Variants in CSMD1 observed in about 807,000 individuals in gnomAD.
The protein encoded by CSMD1 is CUB and sushi domain-containing protein 1.
CSMD1 carries 213 observed loss-of-function variants against 417.5 expected under a neutral mutation model. The observed-to-expected ratio is 0.51, with a 90% CI of 0.46 to 0.57. The LOEUF is 0.57. Among genes scored for constraint, CSMD1 ranks in the 20% least tolerant of loss-of-function variants. The probability of loss-of-function intolerance (pLI) is 0.00; values close to 1 mark genes in which losing one functional copy is unlikely to be tolerated. For missense variants in CSMD1, 6,923 were observed against 4,529.7 expected (o/e 1.53, Z -15.17); for synonymous variants, 2,862 against 1,736.8 (o/e 1.65, Z -16.11).
At chr8:4,251,849 G>C (rs1395806233) in intron 3 of CSMD1, among the ~76,000 whole-genome samples, 1 of 149,648 alleles carries the variant, frequency 6.7e-6, no homozygotes, top group Non-Finnish European at 1.5e-5. Context: ...AGATGCAGGA[G>C]GAGAGATGGA....
intron 50 of CSMD1, among the ~76,000 whole-genome samples, chr8:3,049,783 T>A (rs2128988125): frequency 6.6e-6 from 1 of 152,218 alleles, no homozygotes; most frequent in Non-Finnish European, 1.5e-5. Flanking sequence ...GATGATGGTA[T>A]GTCAATGTAG....
chr8:4,692,087 G>A (rs1806805233), intron 1 of CSMD1, among the ~76,000 whole-genome samples: 1 of 152,132 alleles, frequency 6.6e-6, no homozygotes, highest in African/African-American at 2.4e-5. Context: ...GGGACTTGCT[G>A]TATGCTGAAT....
At chr8:3,300,952 CTG>C (rs1413936513) in intron 25 of CSMD1, among the ~76,000 whole-genome samples, 9 of 78,654 alleles carry the variant, frequency 1.1e-4, no homozygotes, top group African/African-American at 2.6e-4. Flanking sequence ...GAGTGAGACT[CTG>C]TCTCAAAAAA....
chr8:3,925,934 C>G (rs758508457), intron 5 of CSMD1, among the ~76,000 whole-genome samples: 3 of 151,442 alleles, frequency 2.0e-5, no homozygotes, highest in East Asian at 1.9e-4. Context: ...GGTACAGCAG[C>G]CAAGCAGTAA....
intron 2 of CSMD1, among the ~76,000 whole-genome samples, chr8:4,430,502 A>G (rs1797815575): frequency 6.6e-6 from 1 of 152,190 alleles, no homozygotes; most frequent in South Asian, 2.1e-4. Flanking sequence ...GCACTAAACA[A>G]AAATTTCCTC....
intron 1 of CSMD1, among the ~76,000 whole-genome samples, chr8:4,815,059 G>C (rs953410415): frequency 6.6e-6 from 1 of 151,994 alleles, no homozygotes; most frequent in Non-Finnish European, 1.5e-5. Context: ...CTTGACTGGA[G>C]GAAATTAGGT....
chr8:3,656,871 G>A (rs1798137246), intron 7 of CSMD1, among the ~76,000 whole-genome samples: 2 of 151,294 alleles, frequency 1.3e-5, no homozygotes, highest in Admixed American at 6.6e-5. Context: ...GTGGCAGTGA[G>A]CCAAGATCAC....
intron 12 of CSMD1, among the ~76,000 whole-genome samples, chr8:3,453,005 G>T (rs892580868): frequency 6.6e-6 from 1 of 152,088 alleles, no homozygotes; most frequent in Non-Finnish European, 1.5e-5. Context: ...GCCTGTTATT[G>T]GTCTATTCAG....
chr8:4,227,611 A>G (rs2128811811), intron 3 of CSMD1, among the ~76,000 whole-genome samples: 1 of 152,126 alleles, frequency 6.6e-6, no homozygotes, highest in South Asian at 2.1e-4. Flanking sequence ...TTCCCTGCAC[A>G]TTCAGTCAGA....
At chr8:4,399,912 T>A (rs1054062564) in intron 3 of CSMD1, among the ~76,000 whole-genome samples, 1 of 152,196 alleles carries the variant, frequency 6.6e-6, no homozygotes, top group Non-Finnish European at 1.5e-5. Flanking sequence ...TCATGAGAAG[T>A]AAAAGGTTGG....
At chr8:4,839,956 C>T (rs1012086375) in intron 1 of CSMD1, among the ~76,000 whole-genome samples, 2 of 152,174 alleles carry the variant, frequency 1.3e-5, no homozygotes, top group African/African-American at 4.8e-5. Context: ...GACCAAAAGT[C>T]TTCAGTGTTT....
chr8:4,542,685 G>T (rs1249433720), intron 2 of CSMD1, among the ~76,000 whole-genome samples: 2 of 152,128 alleles, frequency 1.3e-5, no homozygotes, highest in Non-Finnish European at 2.9e-5. Context: ...TGCGGCAGAA[G>T]ATAGTTTGAA....
intron 3 of CSMD1, among the ~76,000 whole-genome samples, chr8:4,127,672 A>T (rs972191129): frequency 6.6e-6 from 1 of 152,110 alleles, no homozygotes; most frequent in African/African-American, 2.4e-5. Context: ...ACTACTTATA[A>T]GGAAGATATT....
At chr8:3,083,381 G>T (rs996747856) in intron 49 of CSMD1, among the ~76,000 whole-genome samples, 2 of 151,232 alleles carry the variant, frequency 1.3e-5, no homozygotes, top group African/African-American at 4.9e-5. Context: ...GCAACACATC[G>T]TTGATAATCA....
At chr8:4,045,621 A>G (rs553228396) in intron 3 of CSMD1, among the ~76,000 whole-genome samples, 9 of 152,368 alleles carry the variant, frequency 5.9e-5, no homozygotes, top group Non-Finnish European at 1.0e-4. Context: ...TAGCTGCAAC[A>G]TAGAAAAGGG....
At chr8:4,922,850 C>T (rs145218301) in intron 1 of CSMD1, among the ~76,000 whole-genome samples, 9 of 152,166 alleles carry the variant, frequency 5.9e-5, no homozygotes, top group Non-Finnish European at 1.2e-4. Context: ...CCAAGTTTTT[C>T]CTAGTGCTAA....
At chr8:4,742,580 T>C (rs914913938) in intron 1 of CSMD1, among the ~76,000 whole-genome samples, 3 of 152,168 alleles carry the variant, frequency 2.0e-5, no homozygotes, top group African/African-American at 7.2e-5. Flanking sequence ...TTTTTTTATT[T>C]AGCCATTATT....
intron 50 of CSMD1, among the ~76,000 whole-genome samples, chr8:3,035,010 G>A (rs998524940): frequency 1.3e-5 from 2 of 152,192 alleles, no homozygotes; most frequent in African/African-American, 4.8e-5. Flanking sequence ...CTCAAAGGCA[G>A]TTGCAGTAAA....
chr8:4,909,662 A>G (rs1379979143), intron 1 of CSMD1, among the ~76,000 whole-genome samples: 1 of 151,976 alleles, frequency 6.6e-6, no homozygotes, highest in Non-Finnish European at 1.5e-5. Flanking sequence ...GCCTCCTAAG[A>G]CTGCACACCC....
Sources: gnomAD v4.1 joint callset for allele counts (sites outside exome capture counted in the v4.1 genomes callset) on GRCh38, gnomAD v4.1.1 for gene constraint, MANE v1.5 for transcripts, NCBI Gene and HGNC (gene_info 2026-07-23, HGNC 2026-07-21) for gene names.